The following PSMD10 variants were observed in gnomAD, a reference collection of about 807,000 sequenced individuals.
PSMD10 encodes the protein 26S proteasome non-ATPase regulatory subunit 10.
PSMD10 carries 2 observed loss-of-function variants against 13.2 expected under a neutral mutation model. That is an observed-to-expected ratio of 0.15 (90% CI 0.06 to 0.48). The LOEUF (loss-of-function observed/expected upper bound fraction) is 0.48. Ranked by LOEUF, PSMD10 falls within the 20% of genes least tolerant of loss-of-function variation. PSMD10 has a pLI of 0.97. For synonymous variants in PSMD10, 66 were observed against 64.4 expected (o/e 1.03, Z -0.12); for missense variants, 120 against 167.4 (o/e 0.72, Z 1.56).
intron 1 of PSMD10, among the ~76,000 whole-genome samples, chrX:108,090,038 A>C (rs1185847681): frequency 8.9e-6 from 1 of 112,018 alleles, no homozygotes; most frequent in Non-Finnish European, 1.9e-5. Context: ...GCTTAGATTT[A>C]ACAACAAACA....
rs1174167316 is a variant in PSMD10 at position 108,084,593 on chromosome X, G to T, written c.*381C>A. On this transcript the variant is annotated 3_prime_UTR_variant, in exon 5 of 5. Transcript: ENST00000217958. ...TTTAACTGTATGGAGGAACATTACA[G>T]AATCCACATAGAAACATCTGGCAGA... 1 of 121,679 alleles carries T rather than the reference G, an allele frequency of 8.2e-6. No homozygotes were observed. The highest frequency in any genetic ancestry group is 1.7e-5 in the Non-Finnish European group (1 of 59,352). 10.0% of individuals were successfully genotyped at this position (121,679 alleles called of 1,213,427 possible). A position where few individuals can be genotyped will look rare whatever the true frequency, so the allele number is the denominator to read the frequency against.
Position 108,088,097 on chromosome X carries a change from T to G in PSMD10, c.216A>C (p.Ala72=). 1.7e-6 allele frequency: 2 copies of G among 1,200,067 alleles called. No homozygotes were observed. The highest frequency in any genetic ancestry group is 2.3e-6 in the Non-Finnish European group (2 of 888,350). Residue 72 remains alanine, a splice_region_variant and synonymous_variant, in exon 3 of 5, where the codon GCA becomes GCC. Transcript: ENST00000217958. ...LGVPVNDKDD[A]GWSPLHIAAS... ...CCGCAATATGAAGAGGAGACCAACC[T>G]GCCTATAAAAGAAGTAGGTAGTAGA...
In PSMD10 at chrX:108,085,114, C is replaced by T; in HGVS notation, c.541G>A (p.Asp181Asn). The stretch of plus-strand genomic sequence containing the variant: ...TTTGCTTCTTCCACTCTCTCCTCAT[C>T]ACAGGCTAAGTGTCTGAAATCAGGG... The part of the protein sequence containing the change: ...EGNTPLHLAC[D>N]EERVEEAKLL... Residue 181 changes from aspartate (D) to asparagine (N), a missense_variant, in exon 5 of 5, where the codon GAT becomes AAT. By Grantham distance (23) the Asp-to-Asn change is conservative (BLOSUM62 1). This residue lies in a region of PSMD10 where 68 missense variants were observed against 124.8 expected (regional missense o/e 0.54). Transcript: ENST00000217958. 1 of 1,203,839 alleles carries T rather than the reference C, an allele frequency of 8.3e-7. No homozygotes were observed. The highest frequency in any genetic ancestry group is 1.7e-5 in the African/African-American group (1 of 57,492).
rs189882818 is a variant in PSMD10 at position 108,085,554 on chromosome X, T to C, written c.528-427A>G. On this transcript the variant is annotated intron_variant, in intron 4 of 4. Transcript: ENST00000217958. ...AAAAGATTTTATCTCATTTAGTCCATATATCTATCTTATAAGTTAGCAAAG... is the reference window on the plus strand; with the variant it reads ...AAAAGATTTTATCTCATTTAGTCCACATATCTATCTTATAAGTTAGCAAAG... Among the ~76,000 whole-genome samples, 4 of 112,659 alleles carry C rather than the reference T, an allele frequency of 3.6e-5. No individual in the cohort carries two copies. In the East Asian group the frequency reaches 1.1e-3, roughly 31 times the overall value.
At chrX:108,088,156 T>C in intron 2 of PSMD10, 57 bp from the exon 3 acceptor site, 1 of 1,103,054 alleles carries the variant, frequency 9.1e-7, no homozygotes, top group Non-Finnish European at 1.2e-6. Context: ...GGATTAGTGC[T>C]AACATTTAGG....
At chrX:108,085,256 A>G (rs1398810070) in intron 4 of PSMD10, 129 bp from the exon 5 acceptor site, 3 of 689,295 alleles carry the variant, frequency 4.4e-6, no homozygotes, top group African/African-American at 2.2e-5. Flanking sequence ...TTTAATCAGG[A>G]AAGAAACATC....
Position 108,088,842 on chromosome X carries a change from T to C in PSMD10, c.123A>G (p.Arg41=). 1 of 1,165,593 alleles carries C rather than the reference T, an allele frequency of 8.6e-7. No homozygotes were observed. The highest frequency in any genetic ancestry group is 1.2e-6 in the Non-Finnish European group (1 of 864,825). The part of the protein sequence containing the change: ...SLATRTDQDS[R]TALHWACSAG... ...CTGAGCATGCCCAGTGCAATGCAGT[T>C]CTGCTGTCCTACAGAGAAGCAGTAA... Residue 41 remains arginine, a synonymous_variant, in exon 2 of 5, where the codon AGA becomes AGG. Coordinates refer to ENST00000217958, the MANE Select transcript of PSMD10 (RefSeq NM_002814.4).
intron 2 of PSMD10, 120 bp downstream of exon 2, chrX:108,088,632 T>C (rs2031527013): frequency 5.7e-6 from 3 of 527,291 alleles, no homozygotes; most frequent in Non-Finnish European, 9.6e-6. Flanking sequence ...ATGATGTAAC[T>C]TTCCAGTCAT....
chrX:108,091,096 G>A (rs1387196826), intron 1 of PSMD10, among the ~76,000 whole-genome samples: 1 of 113,534 alleles, frequency 8.8e-6, no homozygotes, highest in African/African-American at 3.2e-5. Context: ...TACTAGTAAA[G>A]GTAAATAAAT....
chrX:108,089,618 G>A (rs2031540534), intron 1 of PSMD10, among the ~76,000 whole-genome samples: 1 of 111,461 alleles, frequency 9.0e-6, no homozygotes, highest in Non-Finnish European at 1.9e-5. Context: ...CAGATCACCC[G>A]AGGTCAGGAG....
chrX:108,091,134 A>C (rs1042276263), intron 1 of PSMD10, among the ~76,000 whole-genome samples: 13 of 113,622 alleles, frequency 1.1e-4, no homozygotes, highest in Non-Finnish European at 2.2e-4. Flanking sequence ...CTTTTCACTG[A>C]TTGGGAGTTT....
intron 2 of PSMD10, chrX:108,088,463 T>C (rs1219543645): frequency 9.3e-6 from 3 of 322,890 alleles, no homozygotes; most frequent in Non-Finnish European, 1.1e-5. Flanking sequence ...TCACCCAGGA[T>C]AGAGTACAAT....
At chrX:108,089,903 C>T (rs1244202072) in intron 1 of PSMD10, among the ~76,000 whole-genome samples, 1 of 111,650 alleles carries the variant, frequency 9.0e-6, no homozygotes, top group African/African-American at 3.3e-5. Flanking sequence ...CAAAGGGAAT[C>T]CCTATTTGCA....
intron 2 of PSMD10, chrX:108,088,407 A>G (rs2031524611): frequency 3.2e-6 from 1 of 310,732 alleles, no homozygotes; most frequent in African/African-American, 2.7e-5. Context: ...CCTGATCTGT[A>G]TGTTTATTTT....
chrX:108,088,983 A>G, intron 1 of PSMD10, 133 bp from the exon 2 acceptor site: 2 of 428,953 alleles, frequency 4.7e-6, no homozygotes, highest in Non-Finnish European at 8.2e-6. Context: ...AGGTAACCTT[A>G]AACTATATTA....
chrX:108,089,144 A>G (rs982567651), intron 1 of PSMD10, among the ~76,000 whole-genome samples: 5 of 112,672 alleles, frequency 4.4e-5, no homozygotes, highest in Non-Finnish European at 9.4e-5. Flanking sequence ...TGGTTGTTTT[A>G]CTATTACATT....
rs141420177 is a variant in PSMD10 at position 108,085,116 on chromosome X, C to G, written c.539G>C (p.Cys180Ser). The G allele has an allele frequency of 8.3e-7, 1 of 1,201,121 alleles. No homozygotes were observed. The highest frequency in any genetic ancestry group is 1.8e-5 in the African/African-American group (1 of 56,738). ...TGCTTCTTCCACTCTCTCCTCATCA[C>G]AGGCTAAGTGTCTGAAATCAGGGAC... is the stretch of plus-strand genomic sequence containing the variant. ...TEGNTPLHLA[C>S]DEERVEEAKL... Residue 180 changes from cysteine to serine, a missense_variant, in exon 5 of 5, where the codon TGT becomes TCT. This residue lies in a region of PSMD10 where 68 missense variants were observed against 124.8 expected (regional missense o/e 0.54). Transcript: ENST00000217958.
At chrX:108,089,146 TATTAC>T (rs1400651615) in intron 1 of PSMD10, among the ~76,000 whole-genome samples, 1 of 112,696 alleles carries the variant, frequency 8.9e-6, no homozygotes, top group Non-Finnish European at 1.9e-5. Context: ...GTTGTTTTAC[TATTAC>T]ATTATTTACG....
intron 4 of PSMD10, among the ~76,000 whole-genome samples, chrX:108,086,478 GA>G (rs758998775): frequency 9.1e-4 from 102 of 111,706 alleles, no homozygotes; most frequent in African/African-American, 3.2e-3. Flanking sequence ...TGAACAAAAT[GA>G]AAAGATAAAC....
Sources: gnomAD v4.1 joint callset for allele counts (sites outside exome capture counted in the v4.1 genomes callset) on GRCh38, gnomAD v4.1.1 for gene constraint, gnomAD v4.1.1 regional missense constraint, MANE v1.5 for transcripts, NCBI Gene and HGNC (gene_info 2026-07-23, HGNC 2026-07-21) for gene names.